The following TYR variants were observed in gnomAD, a reference collection of about 807,000 sequenced individuals.
The protein encoded by TYR is tyrosinase.
In TYR, 58 loss-of-function variants were observed where a neutral mutation model predicts 51.5. The observed-to-expected ratio is 1.13, with a 90% CI of 0.91 to 1.40. The LOEUF is 1.40. TYR is among the 40% of genes most tolerant of loss of function. TYR has a pLI of 0.00. For synonymous variants in TYR, 263 were observed against 235.2 expected (o/e 1.12, Z -1.08); for missense variants, 732 against 647.4 (o/e 1.13, Z -1.42).
intron 3 of TYR, among the ~76,000 whole-genome samples, chr11:89,262,206 C>T (rs1944464869): frequency 6.6e-6 from 1 of 151,936 alleles, no homozygotes. Flanking sequence ...TTACAGGCAC[C>T]TGCCACTAGG....
At chr11:89,238,871 T>TC (rs1944156187) in intron 3 of TYR, among the ~76,000 whole-genome samples, 1 of 152,194 alleles carries the variant, frequency 6.6e-6, no homozygotes, top group African/African-American at 2.4e-5. Flanking sequence ...ATGTGATTTT[T>TC]CACAAATATA....
At chr11:89,238,490 G>T (rs1168187622) in intron 3 of TYR, among the ~76,000 whole-genome samples, 1 of 151,942 alleles carries the variant, frequency 6.6e-6, no homozygotes, top group Non-Finnish European at 1.5e-5. Context: ...TAGAATTTTA[G>T]CAGATTTCTT....
chr11:89,248,787 G>T (rs1944297729), intron 3 of TYR, among the ~76,000 whole-genome samples: 1 of 152,092 alleles, frequency 6.6e-6, no homozygotes, highest in African/African-American at 2.4e-5. Flanking sequence ...CTATTGCATT[G>T]GTCTAAATGA....
At chr11:89,283,693 G>A (rs1216626288) in intron 3 of TYR, 1 of 151,804 alleles carries the variant, frequency 6.6e-6, no homozygotes, top group East Asian at 1.9e-4. Flanking sequence ...TTTCTTCTAT[G>A]TCATATGACT....
intron 3 of TYR, among the ~76,000 whole-genome samples, chr11:89,244,093 A>G (rs1172363424): frequency 6.6e-6 from 1 of 152,206 alleles, no homozygotes; most frequent in Non-Finnish European, 1.5e-5. Context: ...TTTTGCAATA[A>G]TATCAAAAAT....
At chr11:89,273,369 G>A (rs957653550) in intron 3 of TYR, among the ~76,000 whole-genome samples, 52 of 151,894 alleles carry the variant, frequency 3.4e-4, no homozygotes, top group African/African-American at 1.1e-3. Flanking sequence ...AGGACTGTTG[G>A]TGATGGGGGC....
At chr11:89,257,205 G>A (rs1944403145) in intron 3 of TYR, among the ~76,000 whole-genome samples, 1 of 151,968 alleles carries the variant, frequency 6.6e-6, no homozygotes, top group Non-Finnish European at 1.5e-5. Context: ...GTATCCCAAA[G>A]TGGAATGTAG....
intron 3 of TYR, among the ~76,000 whole-genome samples, chr11:89,249,833 A>C (rs558816529): frequency 1.4e-4 from 22 of 152,178 alleles, no homozygotes; most frequent in African/African-American, 5.3e-4. Context: ...AAAAGGAAAA[A>C]ATTGCCACAG....
chr11:89,266,645 A>G (rs571618623), intron 3 of TYR, among the ~76,000 whole-genome samples: 24 of 152,158 alleles, frequency 1.6e-4, no homozygotes, highest in African/African-American at 5.1e-4. Flanking sequence ...TATATGTTAC[A>G]TACAGAATAA....
rs61754374 is a variant in TYR, at chr11:89,191,277, C to T, written c.895C>T (p.Arg299Cys). ...CNGTPEGPLR[R>C]NPGNHDKSRT... The stretch of plus-strand genomic sequence containing the variant: ...TGGAACGCCCGAGGGACCTTTACGG[C>T]GTAATCCTGGAAACCATGACAAATC... The change falls in exon 2 of 5, where the codon CGT becomes TGT. Residue 299 changes from arginine to cysteine, a missense_variant. Coordinates refer to ENST00000263321, the MANE Select transcript of TYR (RefSeq NM_000372.5). The T allele has an allele frequency of 5.0e-6, 8 of 1,613,474 alleles. No individual in the cohort carries two copies. The highest frequency in any genetic ancestry group is 2.2e-5 in the East Asian group (1 of 44,858).
intron 4 of TYR, among the ~76,000 whole-genome samples, chr11:89,285,632 C>T (rs1431523327): frequency 6.6e-6 from 1 of 151,712 alleles, no homozygotes; most frequent in Non-Finnish European, 1.5e-5. Flanking sequence ...TTTCCTTCTA[C>T]CTGAAAGTCC....
chr11:89,214,149 T>A (rs148173791), intron 2 of TYR, among the ~76,000 whole-genome samples: 444 of 152,300 alleles, frequency 2.9e-3, no homozygotes, highest in Non-Finnish European at 5.2e-3. Context: ...ACAGGCAACC[T>A]ACAGAACTGG....
chr11:89,217,730 G>A (rs910000544), intron 2 of TYR, among the ~76,000 whole-genome samples: 10 of 152,102 alleles, frequency 6.6e-5, no homozygotes, highest in African/African-American at 2.4e-4. Flanking sequence ...GGGCTGGCCT[G>A]CCTCATTTTC....
chr11:89,270,741 ACT>A (rs1944579439), intron 3 of TYR, among the ~76,000 whole-genome samples: 1 of 151,884 alleles, frequency 6.6e-6, no homozygotes, highest in African/African-American at 2.4e-5. Context: ...AAAATTTTGG[ACT>A]CTCTAGGGAA....
chr11:89,290,887 G>A (rs1944846269), intron 4 of TYR, among the ~76,000 whole-genome samples: 2 of 151,896 alleles, frequency 1.3e-5, no homozygotes, highest in Non-Finnish European at 2.9e-5. Flanking sequence ...GCATTATAGA[G>A]AGCATCTTCT....
rs142170797 is a variant in TYR at position 89,191,297 on chromosome 11, C to A, written c.915C>A (p.Asp305Glu). 562 of 1,613,694 alleles carry A rather than the reference C, an allele frequency of 3.5e-4. 3 individuals carry two copies. The highest frequency in any genetic ancestry group is 2.1e-3 in the Middle Eastern group (13 of 6,058). The change falls in exon 2 of 5, where the codon GAC becomes GAA. Residue 305 changes from aspartate (D) to glutamate (E), a missense_variant. By Grantham distance (45) the Asp-to-Glu change is conservative (BLOSUM62 2). Transcript: ENST00000263321. ...TACGGCGTAATCCTGGAAACCATGA[C>A]AAATCCAGAACCCCAAGGCTCCCCT... ...GPLRRNPGNH[D>E]KSRTPRLPSS...
intron 2 of TYR, among the ~76,000 whole-genome samples, chr11:89,205,605 A>C (rs1943662587): frequency 6.6e-6 from 1 of 152,162 alleles, no homozygotes; most frequent in Non-Finnish European, 1.5e-5. Context: ...TGCTGAAAAA[A>C]ATGAACTGTT....
chr11:89,206,350 A>C (rs1434026828), intron 2 of TYR, among the ~76,000 whole-genome samples: 1 of 152,166 alleles, frequency 6.6e-6, no homozygotes, highest in Non-Finnish European at 1.5e-5. Context: ...GGCTATATTA[A>C]TATCTAATAA....
At chr11:89,214,840 A>G (rs1447145664) in intron 2 of TYR, among the ~76,000 whole-genome samples, 1 of 152,182 alleles carries the variant, frequency 6.6e-6, no homozygotes, top group Non-Finnish European at 1.5e-5. Context: ...GATTAAGAAC[A>G]TAGATTTTAG....
Sources: gnomAD v4.1 joint callset for allele counts (sites outside exome capture counted in the v4.1 genomes callset) on GRCh38, gnomAD v4.1.1 for gene constraint, MANE v1.5 for transcripts, NCBI Gene and HGNC (gene_info 2026-07-23, HGNC 2026-07-21) for gene names.